Variants in MACROD2 observed in about 807,000 individuals in gnomAD.
MACROD2 encodes the protein mono-ADP ribosylhydrolase 2, also known as ADP-ribose glycohydrolase MACROD2.
In MACROD2, 36 loss-of-function variants were observed where a neutral mutation model predicts 70.4. The observed-to-expected ratio is 0.51, with a 90% CI of 0.39 to 0.68. The LOEUF (loss-of-function observed/expected upper bound fraction) is 0.68, where lower values mean the gene tolerates loss of function less well. Among genes scored for constraint, MACROD2 ranks in the 30% least tolerant of loss-of-function variants. MACROD2 has a pLI of 0.00. For synonymous variants in MACROD2, 172 were observed against 178.8 expected (o/e 0.96, Z 0.30); for missense variants, 496 against 538.4 (o/e 0.92, Z 0.78).
chr20:15,574,354 A>G (rs914895751), intron 8 of MACROD2, among the ~76,000 whole-genome samples: 9 of 152,188 alleles, frequency 5.9e-5, no homozygotes, highest in African/African-American at 1.9e-4. Context: ...AATATATTCC[A>G]GAGACACACA....
intron 6 of MACROD2, among the ~76,000 whole-genome samples, chr20:15,364,616 A>G (rs2045380058): frequency 6.6e-6 from 1 of 152,218 alleles, no homozygotes; most frequent in Non-Finnish European, 1.5e-5. Flanking sequence ...TACCAAATTG[A>G]TGGCTGATTT....
chr20:14,752,362 T>A (rs1055640571), intron 5 of MACROD2, among the ~76,000 whole-genome samples: 4 of 151,238 alleles, frequency 2.6e-5, no homozygotes, highest in Non-Finnish European at 4.4e-5. Context: ...TCCTACTACA[T>A]CCATTGAGTT....
chr20:14,044,079 G>A (rs1042675719), intron 2 of MACROD2, among the ~76,000 whole-genome samples: 5 of 152,148 alleles, frequency 3.3e-5, no homozygotes, highest in Admixed American at 1.3e-4. Context: ...AGACCCTCGC[G>A]GTGAGTGTTA....
intron 5 of MACROD2, among the ~76,000 whole-genome samples, chr20:15,054,854 G>A (rs2075470886): frequency 6.6e-6 from 1 of 151,740 alleles, no homozygotes; most frequent in African/African-American, 2.4e-5. Flanking sequence ...CATGATCTCC[G>A]CTCACTGCAA....
intron 2 of MACROD2, among the ~76,000 whole-genome samples, chr20:14,070,063 C>T (rs1449819590): frequency 6.6e-6 from 1 of 152,066 alleles, no homozygotes; most frequent in African/African-American, 2.4e-5. Context: ...GACTGTAGAA[C>T]TGCCTGGTTA....
chr20:15,023,765 C>A (rs886336214), intron 5 of MACROD2, among the ~76,000 whole-genome samples: 1 of 152,102 alleles, frequency 6.6e-6, no homozygotes, highest in Non-Finnish European at 1.5e-5. Flanking sequence ...AGATTCGCTC[C>A]TATGACGTGG....
At chr20:15,351,814 A>G (rs2078230466) in intron 6 of MACROD2, among the ~76,000 whole-genome samples, 1 of 152,176 alleles carries the variant, frequency 6.6e-6, no homozygotes, top group Non-Finnish European at 1.5e-5. Flanking sequence ...ACCCTCTACT[A>G]GGCATGCCAA....
Position 15,071,213 on chromosome 20 carries a change from A to G in MACROD2, c.419-158727A>G, listed in dbSNP as rs112883049. Reference sequence around the variant, plus strand: ...TACTTGGTCAGAAGATAAAAAGAATAGAAACATTTAGGCCATTCGTGTGTT... The same window carrying G: ...TACTTGGTCAGAAGATAAAAAGAATGGAAACATTTAGGCCATTCGTGTGTT... On this transcript the variant is annotated intron_variant, in intron 5 of 17. Coordinates refer to ENST00000684519, the MANE Select transcript of MACROD2 (RefSeq NM_001351661.2). 6.7e-3 allele frequency among the ~76,000 whole-genome samples: 1,018 copies of G among 152,346 alleles called. 8 individuals carry two copies. Among genetic ancestry groups the G allele is most frequent in the African/African-American group, 0.023 (946 of 41,584 alleles).
chr20:15,151,905 G>A (rs1456533182), intron 5 of MACROD2, among the ~76,000 whole-genome samples: 4 of 151,612 alleles, frequency 2.6e-5, no homozygotes, highest in Non-Finnish European at 4.4e-5. Context: ...TCTGCCTGGC[G>A]AGGAGGGGAG....
At chr20:15,096,675 C>A (rs1293860228) in intron 5 of MACROD2, among the ~76,000 whole-genome samples, 2 of 151,138 alleles carry the variant, frequency 1.3e-5, no homozygotes, top group Non-Finnish European at 2.9e-5. Context: ...CTGTGCCCAG[C>A]TAATTTTTAT....
chr20:14,348,554 CA>C (rs77245821), intron 3 of MACROD2, among the ~76,000 whole-genome samples: 181 of 130,616 alleles, frequency 1.4e-3, no homozygotes, highest in Admixed American at 1.3e-3. Flanking sequence ...TATTAGTAGA[CA>C]AAAAAAAAAA....
intron 8 of MACROD2, among the ~76,000 whole-genome samples, chr20:15,668,547 G>A (rs1469890053): frequency 6.6e-6 from 1 of 150,774 alleles, no homozygotes; most frequent in African/African-American, 2.5e-5. Flanking sequence ...CAGCCTGGGC[G>A]ACAGAGTGAG....
At chr20:14,439,006 G>A (rs918564057) in intron 3 of MACROD2, among the ~76,000 whole-genome samples, 12 of 152,080 alleles carry the variant, frequency 7.9e-5, no homozygotes, top group South Asian at 2.1e-4. Context: ...AGGTTTTTCC[G>A]TATTTCTCCT....
intron 8 of MACROD2, among the ~76,000 whole-genome samples, chr20:15,786,180 A>AG (rs1315109939): frequency 2.8e-4 from 43 of 151,202 alleles, no homozygotes; most frequent in African/African-American, 1.0e-3. Flanking sequence ...AAAACCCAGC[A>AG]GGGGCAAATC....
chr20:15,921,170 T>G (rs933120975), intron 10 of MACROD2, among the ~76,000 whole-genome samples: 18 of 152,142 alleles, frequency 1.2e-4, no homozygotes, highest in African/African-American at 4.1e-4. Flanking sequence ...ACAAAGCCCT[T>G]TCTAATGTGA....
At chr20:14,161,839 C>T (rs376513339) in intron 3 of MACROD2, among the ~76,000 whole-genome samples, 4 of 152,078 alleles carry the variant, frequency 2.6e-5, no homozygotes, top group African/African-American at 7.2e-5. Context: ...CGTGATCCAC[C>T]CACCTCAGCT....
chr20:14,224,363 C>T (rs1345744922), intron 3 of MACROD2, among the ~76,000 whole-genome samples: 2 of 152,158 alleles, frequency 1.3e-5, no homozygotes, highest in South Asian at 2.1e-4. Context: ...CTGCTAAGAC[C>T]GTGTGCCTTT....
At chr20:15,461,845 C>T (rs549153403) in intron 7 of MACROD2, among the ~76,000 whole-genome samples, 4 of 152,228 alleles carry the variant, frequency 2.6e-5, no homozygotes, top group African/African-American at 9.6e-5. Flanking sequence ...AATTGCTATA[C>T]ATTTTGTTTA....
chr20:14,194,512 G>A (rs766032532), intron 3 of MACROD2, among the ~76,000 whole-genome samples: 2 of 152,130 alleles, frequency 1.3e-5, no homozygotes, highest in Non-Finnish European at 2.9e-5. Context: ...ACACTGTGGC[G>A]AGGGGTCAAA....
Sources: allele counts gnomAD v4.1 joint callset (sites outside exome capture counted in the v4.1 genomes callset), GRCh38; gene constraint gnomAD v4.1.1; transcripts MANE v1.5; gene names NCBI Gene and HGNC (gene_info 2026-07-23, HGNC 2026-07-21).